Variants in KCTD3 observed in about 807,000 individuals in gnomAD.
The protein encoded by KCTD3 is BTB/POZ domain-containing protein KCTD3.
KCTD3 carries 41 observed loss-of-function variants against 85.8 expected under a neutral mutation model. The observed-to-expected ratio is 0.48, with a 90% CI of 0.37 to 0.62. The LOEUF (loss-of-function observed/expected upper bound fraction) is 0.62, where lower values mean the gene tolerates loss of function less well. Ranked by LOEUF, KCTD3 falls within the 20% of genes least tolerant of loss-of-function variation. KCTD3 has a pLI of 0.00. For missense variants in KCTD3, 724 were observed against 989.9 expected, an observed-to-expected ratio of 0.73 and a Z score of 3.60; for synonymous variants, 338 against 345.4, an observed-to-expected ratio of 0.98 and a Z score of 0.24.
At position 215,573,847 on chromosome 1, in the gene KCTD3, T is replaced by G; in HGVS notation, c.137+8T>G. On this transcript the variant is annotated splice_region_variant and intron_variant, in intron 2 of 17. Transcript: ENST00000259154. The stretch of plus-strand genomic sequence containing the variant: ...AGATTCTTTTTTTTCCAGGTATGTC[T>G]TATAATTCTTTAGTGTATATTTTAA... 1 of 1,482,242 alleles carries G rather than the reference T, an allele frequency of 6.7e-7. No homozygotes were observed. Among genetic ancestry groups the G allele is most frequent in the Non-Finnish European group, 9.4e-7 (1 of 1,068,798 alleles). 91.8% of individuals were successfully genotyped at this position (1,482,242 alleles called of 1,614,324 possible). A position where few individuals can be genotyped will look rare whatever the true frequency, so the allele number is the denominator to read the frequency against.
Position 215,608,161 on chromosome 1 carries a change from G to C in KCTD3, c.1454G>C (p.Gly485Ala), listed in dbSNP as rs746870087. ...ETESHGSYSS[G>A]NDIGPFGERD... ...GAAAGTCATGGTAGCTATTCCTCTG[G>C]AAATGACATAGGTGGGTTAGGTTAT... Residue 485 changes from glycine (G) to alanine (A), a missense_variant, in exon 14 of 18, where the codon GGA (glycine) becomes GCA (alanine). Gly to Ala is a moderately conservative substitution (Grantham distance 60, BLOSUM62 0). Transcript: ENST00000259154. The C allele has an allele frequency of 1.2e-6, 2 of 1,609,724 alleles. No homozygotes were observed. Among genetic ancestry groups the C allele is most frequent in the Non-Finnish European group, 1.7e-6 (2 of 1,177,912 alleles).
intron 9 of KCTD3, among the ~76,000 whole-genome samples, chr1:215,590,533 A>G (rs556058163): frequency 3.3e-4 from 50 of 151,378 alleles, no homozygotes; most frequent in African/African-American, 6.1e-4. Flanking sequence ...CTGATTTTTT[A>G]TTTCATTTTT....
At chr1:215,607,756 T>A (rs1655090024) in intron 13 of KCTD3, among the ~76,000 whole-genome samples, 1 of 152,026 alleles carries the variant, frequency 6.6e-6, no homozygotes, top group Admixed American at 6.6e-5. Context: ...ACATTATTTT[T>A]AACCTTTACT....
In KCTD3 at chr1:215,601,973, A is replaced by C; in HGVS notation, c.1021+19A>C. Reference sequence around the variant, plus strand: ...TACATAGGTAAGTGTTCAGTCACTTAAAATGCTCCTGCTTAATGTAATTTT... The same window carrying C: ...TACATAGGTAAGTGTTCAGTCACTTCAAATGCTCCTGCTTAATGTAATTTT... On this transcript the variant is annotated intron_variant, in intron 11 of 17. Coordinates refer to ENST00000259154, the MANE Select transcript of KCTD3 (RefSeq NM_016121.5). 1.3e-6 allele frequency: 2 copies of C among 1,490,296 alleles called. No homozygotes were observed. The highest frequency in any genetic ancestry group is 3.4e-4 in the Middle Eastern group (2 of 5,798). The allele number at this position is 1,490,296 out of a possible 1,614,324, so 92.3% of individuals were successfully genotyped here. A position where few individuals can be genotyped will look rare whatever the true frequency, so the allele number is the denominator to read the frequency against.
chr1:215,595,530 ATT>A, intron 10 of KCTD3, 59 bp downstream of exon 10: 11 of 956,696 alleles, frequency 1.1e-5, no homozygotes, highest in Admixed American at 2.1e-5. Flanking sequence ...CTGATTATGT[ATT>A]TTTTTTTTCC....
rs1319225461 is a variant in KCTD3 at position 215,567,668 on chromosome 1, C to T, written c.-18C>T. 1.6e-6 allele frequency: 2 copies of T among 1,231,218 alleles called. No homozygotes were observed. Among genetic ancestry groups the T allele is most frequent in the African/African-American group, 3.1e-5 (2 of 64,250 alleles). The allele number at this position is 1,231,218 out of a possible 1,614,324, so 76.3% of individuals were successfully genotyped here. A position where few individuals can be genotyped will look rare whatever the true frequency, so the allele number is the denominator to read the frequency against. ...GGCTGGGGAAGGAGGGCGGCGAGCGCGTCCGGAGCCGCCGGAGATGGCGGG... is the reference window on the plus strand; with the variant it reads ...GGCTGGGGAAGGAGGGCGGCGAGCGTGTCCGGAGCCGCCGGAGATGGCGGG... On this transcript the variant is annotated 5_prime_UTR_variant, in exon 1 of 18. Transcript: ENST00000259154.
rs1263781355 is a variant in KCTD3, at chr1:215,620,629, A to G, written c.*11A>G. The stretch of plus-strand genomic sequence containing the variant: ...GAGTACAGCTTGTGAAAACTCACCA[A>G]AATGAATAGTTGTTTCGTTACATTT... On this transcript the variant is annotated 3_prime_UTR_variant, in exon 18 of 18. Transcript: ENST00000259154. 6.5e-7 allele frequency: 1 copy of G among 1,535,648 alleles called. No individual in the cohort carries two copies. The highest frequency in any genetic ancestry group is 2.1e-5 in the Admixed American group (1 of 47,670).
chr1:215,593,527 C>T (rs1407601878), intron 9 of KCTD3, among the ~76,000 whole-genome samples: 1 of 152,176 alleles, frequency 6.6e-6, no homozygotes, highest in African/African-American at 2.4e-5. Context: ...GAATACCTAG[C>T]ACCAGTATAA....
Position 215,595,491 on chromosome 1 carries a change from C to T in KCTD3, c.933+20C>T, listed in dbSNP as rs1230886781. On this transcript the variant is annotated intron_variant, in intron 10 of 17. Transcript: ENST00000259154. ...TGGCAGGTTAGTTTAAAGCATATTACAGAAGTGAAAATATTTCTGAAATGT... is the reference window on the plus strand; with the variant it reads ...TGGCAGGTTAGTTTAAAGCATATTATAGAAGTGAAAATATTTCTGAAATGT... 3 of 1,374,872 alleles carry T rather than the reference C, an allele frequency of 2.2e-6. No individual in the cohort carries two copies. The Admixed American group carries it at 5.1e-5, about 24-fold the overall frequency. 85.2% of individuals were successfully genotyped at this position (1,374,872 alleles called of 1,614,324 possible). A position where few individuals can be genotyped will look rare whatever the true frequency, so the allele number is the denominator to read the frequency against.
At chr1:215,595,554 G>C (rs895923018) in intron 10 of KCTD3, 83 bp downstream of exon 10, 2 of 867,020 alleles carry the variant, frequency 2.3e-6, no homozygotes, top group African/African-American at 3.3e-5. Flanking sequence ...TGTAGAATTC[G>C]TACTGTTTCT....
At chr1:215,577,787 A>G (rs776501093) in intron 5 of KCTD3, 59 bp downstream of exon 5, 1 of 1,354,912 alleles carries the variant, frequency 7.4e-7, no homozygotes, top group Non-Finnish European at 1.1e-6. Flanking sequence ...AAGTTGCCCT[A>G]AATGAAATGT....
intron 9 of KCTD3, 31 bp downstream of exon 9, chr1:215,586,716 G>A: frequency 6.4e-7 from 1 of 1,555,540 alleles, no homozygotes; most frequent in South Asian, 1.2e-5. Context: ...GTTGCAATTT[G>A]ATGATATTAA....
At chr1:215,618,186 T>C in intron 15 of KCTD3, 1 of 453,374 alleles carries the variant, frequency 2.2e-6, no homozygotes, top group Non-Finnish European at 4.6e-6. Context: ...AGTTGATTGT[T>C]GCATGAGAGT....
Position 215,611,851 on chromosome 1 carries a change from CA to C in KCTD3, c.1493del (p.Gln498ArgfsTer16), listed in dbSNP as rs1182483270. Reference protein sequence around the residue: ...IGPFGERDDQQVFIQKVVPIT... With the variant: ...IGPFGERDDQXVFIQKVVPIT... Reference sequence around the variant, plus strand: ...ACCTTTTGGAGAGCGAGACGATCAACAGGTGTTTATCCAGAAAGTTGTTCCC... The same window carrying C: ...ACCTTTTGGAGAGCGAGACGATCAACGGTGTTTATCCAGAAAGTTGTTCCC... On this transcript the variant is annotated frameshift_variant, in exon 15 of 18. Transcript: ENST00000259154. LOFTEE classifies it high-confidence loss of function. The C allele has an allele frequency of 6.2e-7, 1 of 1,607,742 alleles. No homozygotes were observed. The highest frequency in any genetic ancestry group is 1.7e-5 in the Admixed American group (1 of 59,944).
rs59654382 is a variant in KCTD3 at position 215,579,202 on chromosome 1, A to C, written c.535+65A>C. On this transcript the variant is annotated intron_variant, in intron 7 of 17. Coordinates refer to ENST00000259154, the MANE Select transcript of KCTD3 (RefSeq NM_016121.5). ...ATGTTTTTAGTGCTGGGTGATATTG[A>C]GTAATTACTTTTAAAGATTTTTGCC... The C allele has an allele frequency of 6.5e-4, 894 of 1,376,934 alleles. 6 individuals are homozygous for C. The African/African-American group carries it at 0.012, about 19-fold the overall frequency. 85.3% of individuals were successfully genotyped at this position (1,376,934 alleles called of 1,614,324 possible).
At chr1:215,580,592 G>T (rs1292964474) in intron 8 of KCTD3, among the ~76,000 whole-genome samples, 2 of 151,700 alleles carry the variant, frequency 1.3e-5, no homozygotes, top group Non-Finnish European at 2.9e-5. Flanking sequence ...AATTGGGAAA[G>T]TGATAGGACT....
Position 215,604,288 on chromosome 1 carries a change from A to G in KCTD3, c.1295A>G (p.Lys432Arg). The G allele has an allele frequency of 6.2e-7, 1 of 1,613,562 alleles. No homozygotes were observed. The highest frequency in any genetic ancestry group is 8.5e-7 in the Non-Finnish European group (1 of 1,179,538). ...SPVTKIMLSE[K>R]HLVSVCADNN... The stretch of plus-strand genomic sequence containing the variant: ...GTAACAAAAATCATGCTATCAGAGA[A>G]GCATCTTGTATCAGGTAAAATGATT... The change falls in exon 13 of 18, where the codon AAG becomes AGG. Residue 432 changes from lysine to arginine, a missense_variant. Coordinates refer to ENST00000259154, the MANE Select transcript of KCTD3 (RefSeq NM_016121.5).
At chr1:215,593,297 T>C (rs1660290731) in intron 9 of KCTD3, among the ~76,000 whole-genome samples, 1 of 152,212 alleles carries the variant, frequency 6.6e-6, no homozygotes, top group Non-Finnish European at 1.5e-5. Flanking sequence ...AGATAATGTG[T>C]TTCATGCACA....
chr1:215,616,393 T>TA (rs752444006), intron 15 of KCTD3, among the ~76,000 whole-genome samples: 156 of 152,066 alleles, frequency 1.0e-3, no homozygotes, highest in Non-Finnish European at 1.5e-3. Flanking sequence ...CCCTAGCAAC[T>TA]AAAAAAAGGG....
Sources: gnomAD v4.1 joint callset for allele counts (sites outside exome capture counted in the v4.1 genomes callset) on GRCh38, gnomAD v4.1.1 for gene constraint, MANE v1.5 for transcripts, NCBI Gene and HGNC (gene_info 2026-07-23, HGNC 2026-07-21) for gene names.